The following OTOGL variants were observed in gnomAD, a reference collection of about 807,000 sequenced individuals.
The protein encoded by OTOGL is otogelin-like protein.
A neutral mutation model predicts 318.5 loss-of-function variants in OTOGL; 285 were observed. That is an observed-to-expected ratio of 0.89 (90% CI 0.81 to 0.99). OTOGL has a LOEUF of 0.99. Among genes scored for constraint, OTOGL ranks in the 50% least tolerant of loss-of-function variants. The pLI is 0.00. For missense variants in OTOGL, 2,899 were observed against 2,845.6 expected (o/e 1.02, Z -0.43); for synonymous variants, 987 against 936.5 (o/e 1.05, Z -0.99).
At chr12:80,318,833 A>G (rs1887144201) in intron 33 of OTOGL, 120 bp downstream of exon 33, 2 of 723,552 alleles carry the variant, frequency 2.8e-6, no homozygotes, top group Admixed American at 8.7e-5. Flanking sequence ...GCTCTAAAGC[A>G]TATGAAATAA....
chr12:80,109,746 A>G (rs1869712561), intron 1 of OTOGL, among the ~76,000 whole-genome samples: 1 of 152,238 alleles, frequency 6.6e-6, no homozygotes, highest in South Asian at 2.1e-4. Context: ...GATAACTGGA[A>G]TAGCACTGAT....
chr12:80,356,380 G>A, intron 47 of OTOGL, 36 bp from the exon 48 acceptor site: 1 of 1,520,416 alleles, frequency 6.6e-7, no homozygotes, highest in Non-Finnish European at 9.1e-7. Flanking sequence ...TTTTAGTTGT[G>A]TTCACTAATA....
At chr12:80,299,620 A>G (rs1885627977) in intron 27 of OTOGL, among the ~76,000 whole-genome samples, 2 of 151,590 alleles carry the variant, frequency 1.3e-5, no homozygotes, top group Admixed American at 1.3e-4. Context: ...GAAAAAAAAA[A>G]AAAACCACCT....
intron 11 of OTOGL, among the ~76,000 whole-genome samples, chr12:80,244,119 T>A (rs1880638300): frequency 6.6e-6 from 1 of 151,198 alleles, no homozygotes; most frequent in Admixed American, 6.6e-5. Context: ...CCACTAATGA[T>A]GGTATCTAAG....
At chr12:80,187,606 G>C (rs1333639311) in intron 1 of OTOGL, among the ~76,000 whole-genome samples, 1 of 152,140 alleles carries the variant, frequency 6.6e-6, no homozygotes, top group African/African-American at 2.4e-5. Flanking sequence ...TAAGTATAAA[G>C]ACAATGAATA....
chr12:80,370,696 A>G lies in OTOGL; in HGVS notation c.6735+7A>G. ...TGAGACTGAATGCAAAATGGTTTGT[A>G]CTTTGTTGTATCTAAGAAAATTTAT... On this transcript the variant is annotated splice_region_variant and intron_variant, in intron 56 of 58. Transcript: ENST00000547103. The G allele has an allele frequency of 6.5e-7, 1 of 1,537,516 alleles. No individual in the cohort carries two copies. The highest frequency in any genetic ancestry group is 8.8e-7 in the Non-Finnish European group (1 of 1,136,548).
At position 80,308,649 on chromosome 12, in the gene OTOGL, C is replaced by T. The variant is rs1886405884; in HGVS notation, c.3334-1962C>T. Among the ~76,000 whole-genome samples the T allele has an allele frequency of 2.6e-5, 4 of 152,182 alleles. No individual in the cohort carries two copies. The South Asian group carries it at 8.3e-4, about 32-fold the overall frequency. On this transcript the variant is annotated intron_variant, in intron 29 of 58. Transcript: ENST00000547103. ...GGTGGAGGTTGTAGCGAGCCGAGATCAGGCCACTGCACTCCAGCCTGGGCA... is the reference window on the plus strand; with the variant it reads ...GGTGGAGGTTGTAGCGAGCCGAGATTAGGCCACTGCACTCCAGCCTGGGCA...
chr12:80,255,000 C>A, intron 15 of OTOGL, 40 bp from the exon 16 acceptor site: 1 of 1,392,484 alleles, frequency 7.2e-7, no homozygotes, highest in African/African-American at 1.5e-5. Context: ...CTATCTCCAC[C>A]TCCTTTTCTT....
intron 38 of OTOGL, among the ~76,000 whole-genome samples, chr12:80,334,517 A>G (rs150022395): frequency 0.019 from 2,950 of 152,222 alleles, 43 homozygotes; most frequent in Non-Finnish European, 0.03. Context: ...AGACTGGGTG[A>G]GATAGTAAAG....
chr12:80,249,542 G>A (rs1289410464), intron 11 of OTOGL, among the ~76,000 whole-genome samples: 3 of 151,872 alleles, frequency 2.0e-5, no homozygotes, highest in African/African-American at 4.8e-5. Context: ...CCAGCTGCGT[G>A]CTGGGAGAAC....
chr12:80,370,733 T>A, intron 56 of OTOGL, 44 bp downstream of exon 56: 1 of 1,375,202 alleles, frequency 7.3e-7, no homozygotes, highest in Non-Finnish European at 9.8e-7. Context: ...ATTATATAAT[T>A]TAGAAAATAC....
rs71094968 is a variant in OTOGL, at chr12:80,178,061, C to CT, written c.-19-31331dup. On this transcript the variant is annotated intron_variant, in intron 1 of 58. Transcript: ENST00000547103. Reference sequence around the variant, plus strand: ...TATTCTTTTCTTTCTTTCTTTCTTTCTTTTTTTTTTTTTTTTTTTTTGAGA... The same window carrying CT: ...TATTCTTTTCTTTCTTTCTTTCTTTCTTTTTTTTTTTTTTTTTTTTTTGAGA... Among the ~76,000 whole-genome samples, 386 of 74,950 alleles carry CT rather than the reference C, an allele frequency of 5.2e-3. 9 individuals are homozygous for CT. The highest frequency in any genetic ancestry group is 0.012 in the East Asian group (27 of 2,238). 49.2% of individuals were successfully genotyped at this position (74,950 alleles called of 152,430 possible). A position where few individuals can be genotyped will look rare whatever the true frequency, so the allele number is the denominator to read the frequency against.
At chr12:80,221,694 A>G (rs896203659) in intron 6 of OTOGL, among the ~76,000 whole-genome samples, 2 of 152,190 alleles carry the variant, frequency 1.3e-5, no homozygotes, top group Admixed American at 6.5e-5. Flanking sequence ...TTGAAAGACT[A>G]GAACACTCTG....
At chr12:80,290,008 A>C (rs1592663230) in intron 26 of OTOGL, among the ~76,000 whole-genome samples, 1 of 152,096 alleles carries the variant, frequency 6.6e-6, no homozygotes, top group South Asian at 2.1e-4. Flanking sequence ...TTGTGCTTGA[A>C]ACCTGGGGCC....
intron 16 of OTOGL, among the ~76,000 whole-genome samples, chr12:80,255,766 C>T (rs568864141): frequency 9.2e-5 from 14 of 151,846 alleles, no homozygotes; most frequent in African/African-American, 3.1e-4. Context: ...AGCAGGTAGT[C>T]AAAATTTTGC....
intron 11 of OTOGL, among the ~76,000 whole-genome samples, chr12:80,250,439 C>T (rs543824937): frequency 6.6e-6 from 1 of 152,242 alleles, no homozygotes; most frequent in African/African-American, 2.4e-5. Flanking sequence ...AACCAATATT[C>T]AGTTGCTTTG....
intron 1 of OTOGL, among the ~76,000 whole-genome samples, chr12:80,108,936 G>GTGTGTATATATATATATATATATATATA (rs1555268621): frequency 1.8e-4 from 23 of 128,224 alleles, no homozygotes; most frequent in African/African-American, 7.0e-4. Context: ...ATATGTGTGT[G>GTGTGTATATATATATATATATATATATA]TATATATATA....
chr12:80,280,611 T>G (rs752856281), intron 26 of OTOGL, among the ~76,000 whole-genome samples: 1 of 152,004 alleles, frequency 6.6e-6, no homozygotes, highest in Admixed American at 6.6e-5. Context: ...GTTGTAGGTA[T>G]GTGGCTATGT....
intron 1 of OTOGL, among the ~76,000 whole-genome samples, chr12:80,122,543 C>A (rs773520475): frequency 6.6e-6 from 1 of 152,060 alleles, no homozygotes; most frequent in African/African-American, 2.4e-5. Flanking sequence ...GAGAAAAAAT[C>A]CAGATGTAAA....
Sources: gnomAD v4.1 joint callset for allele counts (sites outside exome capture counted in the v4.1 genomes callset) on GRCh38, gnomAD v4.1.1 for gene constraint, MANE v1.5 for transcripts, NCBI Gene and HGNC (gene_info 2026-07-23, HGNC 2026-07-21) for gene names.